Variants in MAN2A1 observed in about 807,000 individuals in gnomAD.
MAN2A1 encodes the protein alpha-mannosidase 2.
A neutral mutation model predicts 142.6 loss-of-function variants in MAN2A1; 76 were observed. The observed-to-expected ratio is 0.53, with a 90% CI of 0.44 to 0.65. The LOEUF (loss-of-function observed/expected upper bound fraction) is 0.65, where lower values mean the gene tolerates loss of function less well. Among genes scored for constraint, MAN2A1 ranks in the 30% least tolerant of loss-of-function variants. The pLI is 0.00. For synonymous variants in MAN2A1, 559 were observed against 473.2 expected (o/e 1.18, Z -2.35); for missense variants, 1,311 against 1,365.1 (o/e 0.96, Z 0.62).
At chr5:109,760,978 A>G (rs997367612) in intron 5 of MAN2A1, among the ~76,000 whole-genome samples, 7 of 151,914 alleles carry the variant, frequency 4.6e-5, no homozygotes, top group Admixed American at 2.0e-4. Flanking sequence ...CATATATGCT[A>G]TATGAATATT....
intron 20 of MAN2A1, among the ~76,000 whole-genome samples, chr5:109,855,739 A>G (rs968809047): frequency 1.3e-5 from 2 of 152,216 alleles, no homozygotes; most frequent in Admixed American, 1.3e-4. Flanking sequence ...ACTGCAACTC[A>G]GTTTCCCATT....
chr5:109,754,790 C>G (rs894225377), intron 4 of MAN2A1, among the ~76,000 whole-genome samples: 1 of 152,162 alleles, frequency 6.6e-6, no homozygotes, highest in Non-Finnish European at 1.5e-5. Flanking sequence ...TCACCTGAGG[C>G]TGGGGGTTCA....
intron 16 of MAN2A1, among the ~76,000 whole-genome samples, chr5:109,831,454 G>A (rs1456594895): frequency 6.6e-6 from 1 of 152,154 alleles, no homozygotes; most frequent in African/African-American, 2.4e-5. Flanking sequence ...GTGAAATAAG[G>A]TTGTTTAGAA....
Position 109,781,597 on chromosome 5 carries a change from A to G in MAN2A1, c.1576A>G (p.Arg526Gly). The G allele has an allele frequency of 6.3e-7, 1 of 1,586,298 alleles. No individual in the cohort carries two copies. Among genetic ancestry groups the G allele is most frequent in the Non-Finnish European group, 8.5e-7 (1 of 1,170,370 alleles). Residue 526 changes from arginine (R) to glycine (G), a missense_variant and splice_region_variant, in exon 9 of 22, where the codon AGG becomes GGG. Arg to Gly is a moderately radical substitution (Grantham distance 125). This residue lies in a region of MAN2A1 where 890 missense variants were observed against 920.5 expected (regional missense o/e 0.97). Coordinates refer to ENST00000261483, the MANE Select transcript of MAN2A1 (RefSeq NM_002372.4). ...GGACAGAATCATGGAATCTCATTTA[A>G]GGTACTTTTACCTTTCTATAGCTAC... ...RMDRIMESHL[R>G]AAEILYYFAL...
rs537479291 is a variant in MAN2A1, at chr5:109,826,152, C to T, written c.2566+2315C>T. Among the ~76,000 whole-genome samples the T allele has an allele frequency of 9.2e-5, 14 of 152,016 alleles. No homozygotes were observed. The East Asian group carries it at 1.2e-3, about 13-fold the overall frequency. The stretch of plus-strand genomic sequence containing the variant: ...AACTCTTGACCTCAGGTAATCCACC[C>T]GCCTTGTCTTCCCAAAGTGCTGGTA... On this transcript the variant is annotated intron_variant, in intron 16 of 21. Transcript: ENST00000261483.
intron 12 of MAN2A1, among the ~76,000 whole-genome samples, chr5:109,810,462 T>C (rs1234256414): frequency 6.6e-6 from 1 of 152,216 alleles, no homozygotes; most frequent in Non-Finnish European, 1.5e-5. Flanking sequence ...TTCTGGAATG[T>C]CATGAGATGT....
chr5:109,831,008 G>C (rs1481262865), intron 16 of MAN2A1, among the ~76,000 whole-genome samples: 1 of 152,194 alleles, frequency 6.6e-6, no homozygotes, highest in African/African-American at 2.4e-5. Flanking sequence ...CAGGTGAAGG[G>C]CACAGGGATG....
At chr5:109,783,589 C>A (rs1753516896) in intron 9 of MAN2A1, among the ~76,000 whole-genome samples, 1 of 152,108 alleles carries the variant, frequency 6.6e-6, no homozygotes, top group Admixed American at 6.5e-5. Context: ...AGAAATGCAT[C>A]ATTTTACAAA....
At chr5:109,752,530 A>G (rs550347247) in intron 4 of MAN2A1, among the ~76,000 whole-genome samples, 33 of 152,206 alleles carry the variant, frequency 2.2e-4, no homozygotes, top group African/African-American at 7.7e-4. Flanking sequence ...GGAGGGAAAG[A>G]GTGGAGATCT....
rs142509826 is a variant in MAN2A1 at position 109,717,224 on chromosome 5, T to C, written c.535+960T>C. ...TTTCTTTGCTTCCAGCATTCATTTA[T>C]CTTCTACTTACATTTTTTCCCCATT... On this transcript the variant is annotated intron_variant, in intron 3 of 21. Transcript: ENST00000261483. Among the ~76,000 whole-genome samples the C allele has an allele frequency of 2.5e-3, 382 of 152,330 alleles. 2 individuals carry two copies. The highest frequency in any genetic ancestry group is 8.8e-3 in the African/African-American group (366 of 41,572).
At chr5:109,854,381 T>C (rs1755554969) in intron 19 of MAN2A1, 1 of 152,166 alleles carries the variant, frequency 6.6e-6, no homozygotes, top group Non-Finnish European at 1.5e-5. Flanking sequence ...CTTTTAACCA[T>C]ATACCATAGC....
intron 16 of MAN2A1, among the ~76,000 whole-genome samples, chr5:109,841,863 A>G (rs1277902359): frequency 1.3e-5 from 2 of 152,160 alleles, no homozygotes; most frequent in Non-Finnish European, 1.5e-5. Context: ...GCAATAATAC[A>G]CTGTCACTTG....
At chr5:109,694,977 G>T (rs1009754575) in intron 1 of MAN2A1, among the ~76,000 whole-genome samples, 1 of 152,156 alleles carries the variant, frequency 6.6e-6, no homozygotes, top group African/African-American at 2.4e-5. Context: ...GATATAATGC[G>T]GAGATCTGTG....
intron 3 of MAN2A1, among the ~76,000 whole-genome samples, chr5:109,716,835 A>G (rs574833695): frequency 5.3e-5 from 8 of 152,278 alleles, no homozygotes; most frequent in African/African-American, 1.9e-4. Context: ...ATCTGTTTCA[A>G]TAGGGTGCAA....
intron 21 of MAN2A1, among the ~76,000 whole-genome samples, chr5:109,866,138 A>G (rs1413886147): frequency 1.3e-5 from 2 of 152,170 alleles, no homozygotes; most frequent in African/African-American, 4.8e-5. Context: ...CCAAGAAAGC[A>G]CTGATATTTT....
At chr5:109,818,570 A>G (rs990022463) in intron 13 of MAN2A1, among the ~76,000 whole-genome samples, 5 of 152,184 alleles carry the variant, frequency 3.3e-5, no homozygotes, top group African/African-American at 7.2e-5. Flanking sequence ...AACCTCAAGC[A>G]TTTGATGGCT....
intron 20 of MAN2A1, among the ~76,000 whole-genome samples, chr5:109,857,873 T>C (rs1164516107): frequency 6.6e-6 from 1 of 152,168 alleles, no homozygotes; most frequent in East Asian, 1.9e-4. Context: ...CCACCCTCCC[T>C]ACCTGTGGGC....
intron 20 of MAN2A1, among the ~76,000 whole-genome samples, chr5:109,857,946 A>G (rs1048543316): frequency 3.3e-5 from 5 of 152,200 alleles, no homozygotes; most frequent in Non-Finnish European, 5.9e-5. Flanking sequence ...TTGCTGTGTC[A>G]GGTCTTTTGC....
At chr5:109,695,372 G>C (rs981930477) in intron 1 of MAN2A1, among the ~76,000 whole-genome samples, 1 of 152,084 alleles carries the variant, frequency 6.6e-6, no homozygotes, top group Non-Finnish European at 1.5e-5. Context: ...GAGGTGTCTG[G>C]GCTGTGGGCA....
Sources: allele counts gnomAD v4.1 joint callset (sites outside exome capture counted in the v4.1 genomes callset), GRCh38; gene constraint gnomAD v4.1.1; regional missense constraint gnomAD v4.1.1; transcripts MANE v1.5; gene names NCBI Gene and HGNC (gene_info 2026-07-23, HGNC 2026-07-21).